Variants in CWH43 observed in about 807,000 individuals in gnomAD.
CWH43 encodes PGAP2-interacting protein.
A neutral mutation model predicts 85.7 loss-of-function variants in CWH43; 91 were observed. The observed-to-expected ratio is 1.06, with a 90% confidence interval of 0.90 to 1.26. CWH43 has a LOEUF of 1.26. Among genes scored for constraint, CWH43 ranks in the 50% most tolerant of loss-of-function variants. The pLI, the probability that CWH43 is intolerant of heterozygous loss-of-function variation, is 0.00. For missense variants in CWH43, 869 were observed against 839.2 expected, an observed-to-expected ratio of 1.04 and a Z score of -0.44; for synonymous variants, 323 against 293.6, an observed-to-expected ratio of 1.10 and a Z score of -1.02.
chr4:49,041,931 G>A (rs775057031), intron 13 of CWH43, among the ~76,000 whole-genome samples: 1 of 152,152 alleles, frequency 6.6e-6, no homozygotes, highest in Non-Finnish European at 1.5e-5. Context: ...AAGTTGAGAG[G>A]TGCAATGTTT....
At chr4:49,030,585 T>C (rs531793407) in intron 10 of CWH43, among the ~76,000 whole-genome samples, 3 of 152,302 alleles carry the variant, frequency 2.0e-5, no homozygotes, top group South Asian at 2.1e-4. Flanking sequence ...CATTTGAAAA[T>C]TTTTATCCTT....
intron 6 of CWH43, among the ~76,000 whole-genome samples, chr4:48,999,692 T>C (rs917351699): frequency 6.6e-6 from 1 of 152,208 alleles, no homozygotes; most frequent in African/African-American, 2.4e-5. Flanking sequence ...GCCAGACCTC[T>C]TTCACTCTTC....
chr4:49,043,727 GATTT>G (rs1311910474), intron 13 of CWH43, among the ~76,000 whole-genome samples: 1 of 152,092 alleles, frequency 6.6e-6, no homozygotes, highest in Admixed American at 6.5e-5. Flanking sequence ...TAGTTAAATA[GATTT>G]ATTTATCATT....
chr4:48,991,687 A>G, intron 3 of CWH43, 113 bp downstream of exon 3: 1 of 1,275,636 alleles, frequency 7.8e-7, no homozygotes, highest in Non-Finnish European at 1.1e-6. Flanking sequence ...TGGCTTTGTC[A>G]AAGTCTCCTT....
At chr4:49,057,572 A>G (rs1785007145) in intron 15 of CWH43, among the ~76,000 whole-genome samples, 1 of 152,164 alleles carries the variant, frequency 6.6e-6, no homozygotes, top group African/African-American at 2.4e-5. Flanking sequence ...TTTGCACTTG[A>G]AAAGAATGTA....
intron 12 of CWH43, among the ~76,000 whole-genome samples, chr4:49,033,935 AT>A (rs961788869): frequency 2.0e-5 from 3 of 152,186 alleles, no homozygotes; most frequent in African/African-American, 7.2e-5. Flanking sequence ...ATTTAAACAA[AT>A]TGGTGTGTGT....
chr4:48,986,861 A>G (rs113149792), intron 1 of CWH43: 14,152 of 982,946 alleles, frequency 0.014, 121 homozygotes, highest in Non-Finnish European at 0.016. Flanking sequence ...TTTAAAATTC[A>G]GAAGGAAAGG....
intron 13 of CWH43, among the ~76,000 whole-genome samples, chr4:49,041,058 A>T (rs1257536948): frequency 6.6e-6 from 1 of 152,116 alleles, no homozygotes; most frequent in African/African-American, 2.4e-5. Flanking sequence ...AGTTGTAAAT[A>T]TGTGGCATTA....
intron 9 of CWH43, among the ~76,000 whole-genome samples, chr4:49,027,024 A>G (rs1290564508): frequency 1.6e-4 from 25 of 152,322 alleles, no homozygotes. Flanking sequence ...TTTACTTGCA[A>G]TGGAAGCCAC....
intron 8 of CWH43, among the ~76,000 whole-genome samples, chr4:49,012,802 G>A (rs1783407389): frequency 6.6e-6 from 1 of 152,200 alleles, no homozygotes; most frequent in Non-Finnish European, 1.5e-5. Context: ...ACCAGTGGAG[G>A]CTGCAGAATA....
intron 12 of CWH43, among the ~76,000 whole-genome samples, chr4:49,034,704 A>T (rs1219505016): frequency 1.3e-5 from 2 of 152,166 alleles, no homozygotes; most frequent in African/African-American, 4.8e-5. Context: ...GAATCAGACA[A>T]TCTGGTTTGA....
chr4:49,052,073 G>T (rs1025984576), intron 15 of CWH43, among the ~76,000 whole-genome samples: 6 of 151,806 alleles, frequency 4.0e-5, no homozygotes, highest in African/African-American at 1.5e-4. Flanking sequence ...TTTTTTGGGG[G>T]AAAAAAGAAA....
At chr4:49,032,494 A>G in intron 11 of CWH43, 72 bp from the exon 12 acceptor site, 1 of 1,559,932 alleles carries the variant, frequency 6.4e-7, no homozygotes, top group Non-Finnish European at 8.8e-7. Flanking sequence ...TTTTTAATGC[A>G]TTTGCTTAGT....
chr4:48,994,172 T>C, intron 4 of CWH43, among the ~76,000 whole-genome samples: 1 of 152,226 alleles, frequency 6.6e-6, no homozygotes, highest in East Asian at 1.9e-4. Flanking sequence ...GAGGGGTTGG[T>C]GCACAGTGGC....
At chr4:48,993,920 A>G (rs1285907514) in intron 4 of CWH43, among the ~76,000 whole-genome samples, 2 of 150,994 alleles carry the variant, frequency 1.3e-5, no homozygotes, top group African/African-American at 2.4e-5. Context: ...GTGCCCGGCT[A>G]ACTTTTTTTT....
chr4:49,017,149 T>C (rs1206207521), intron 8 of CWH43, 100 bp from the exon 9 acceptor site: 17 of 961,518 alleles, frequency 1.8e-5, no homozygotes, highest in Non-Finnish European at 2.8e-5. Context: ...TCCTGGAGGG[T>C]GCCATGGCAC....
intron 13 of CWH43, among the ~76,000 whole-genome samples, chr4:49,042,342 T>C (rs1457126163): frequency 6.6e-6 from 1 of 152,220 alleles, no homozygotes; most frequent in Non-Finnish European, 1.5e-5. Flanking sequence ...TAACTTAGCC[T>C]TGGAGCCACA....
At chr4:49,030,481 T>G (rs772895340) in intron 10 of CWH43, among the ~76,000 whole-genome samples, 1 of 152,212 alleles carries the variant, frequency 6.6e-6, no homozygotes, top group Non-Finnish European at 1.5e-5. Context: ...TGGAATAAAA[T>G]GCTATGGTGC....
At chr4:48,998,048 C>G (rs1577657074) in intron 5 of CWH43, among the ~76,000 whole-genome samples, 2 of 152,122 alleles carry the variant, frequency 1.3e-5, no homozygotes, top group East Asian at 3.9e-4. Flanking sequence ...TGACGCTGGT[C>G]TTGGGAAGGC....
Sources: gnomAD v4.1 joint callset for allele counts (sites outside exome capture counted in the v4.1 genomes callset) on GRCh38, gnomAD v4.1.1 for gene constraint, MANE v1.5 for transcripts, NCBI Gene and HGNC (gene_info 2026-07-23, HGNC 2026-07-21) for gene names.